The following PCBP3 variants were observed in gnomAD, a reference collection of about 807,000 sequenced individuals.
The protein encoded by PCBP3 is poly(rC)-binding protein 3.
Under a neutral mutation model 52.7 loss-of-function variants are expected in PCBP3, and 25 were observed. That is an observed-to-expected ratio of 0.47 (90% CI 0.35 to 0.66). PCBP3 has a LOEUF of 0.66. Ranked by LOEUF, PCBP3 falls within the 30% of genes least tolerant of loss-of-function variation. The pLI, the probability that PCBP3 is intolerant of heterozygous loss-of-function variation, is 0.01. For missense variants in PCBP3, 391 were observed against 490.3 expected, an observed-to-expected ratio of 0.80 and a Z score of 1.91; for synonymous variants, 162 against 183.0, an observed-to-expected ratio of 0.89 and a Z score of 0.93.
At chr21:45,776,424 A>G (rs1381421459) in intron 4 of PCBP3, among the ~76,000 whole-genome samples, 7 of 150,750 alleles carry the variant, frequency 4.6e-5, no homozygotes, top group Admixed American at 2.6e-4. Flanking sequence ...CTGTTTTTGT[A>G]CTTGAGTCTC....
At chr21:45,811,319 A>G (rs756340956) in intron 4 of PCBP3, among the ~76,000 whole-genome samples, 1 of 152,244 alleles carries the variant, frequency 6.6e-6, no homozygotes, top group Non-Finnish European at 1.5e-5. Flanking sequence ...CTGGAGGCTC[A>G]CGGGGAGGAC....
At chr21:45,664,581 G>T (rs1373481434) in intron 1 of PCBP3, among the ~76,000 whole-genome samples, 1 of 151,142 alleles carries the variant, frequency 6.6e-6, no homozygotes, top group African/African-American at 2.4e-5. Flanking sequence ...TTCTTTCAGA[G>T]ACAAAGAGCT....
At chr21:45,901,451 T>C (rs1264265984) in intron 9 of PCBP3, 3 of 301,096 alleles carry the variant, frequency 1.0e-5, no homozygotes, top group Non-Finnish European at 1.3e-5. Flanking sequence ...GGCTGACCCT[T>C]GGGCCACACC....
chr21:45,923,587 G>C (rs770538319), intron 13 of PCBP3, among the ~76,000 whole-genome samples: 1 of 152,148 alleles, frequency 6.6e-6, no homozygotes, highest in Non-Finnish European at 1.5e-5. Context: ...TCACTGGCCC[G>C]TGGAGGTCTG....
At position 45,837,017 on chromosome 21, in the gene PCBP3, T is replaced by G. The variant is rs1418504255; in HGVS notation, c.-125-12944T>G. On this transcript the variant is annotated intron_variant, in intron 4 of 17. Transcript: ENST00000681687. The surrounding 1 kb of genome is among the most constrained non-coding windows in gnomAD (Gnocchi z 4.1). ...GGACATTCCTGTGTGTTTCTTTTGG[T>G]GCACACATGAGGTGTTTTTGGTTTA... Among the ~76,000 whole-genome samples the G allele has an allele frequency of 1.3e-5, 2 of 152,178 alleles. No homozygotes were observed. The highest frequency in any genetic ancestry group is 2.9e-5 in the Non-Finnish European group (2 of 68,040).
At position 45,904,521 on chromosome 21, in the gene PCBP3, AG is replaced by A. The variant is rs2096149702; in HGVS notation, c.339+3409del. Among the ~76,000 whole-genome samples, 1 of 152,004 alleles carries A rather than the reference AG, an allele frequency of 6.6e-6. No individual in the cohort carries two copies. The highest frequency in any genetic ancestry group is 1.5e-5 in the Non-Finnish European group (1 of 68,020). On this transcript the variant is annotated intron_variant, in intron 9 of 17. Coordinates refer to ENST00000681687, the MANE Select transcript of PCBP3 (RefSeq NM_001384156.1). This position sits in a 1 kb window ranked among gnomAD's most constrained non-coding sequence, Gnocchi z 4.8. ...GATGGTCAGGACAGTGTTGTTCTTG[AG>A]TAAGGGGTAACTACTCAGAGAGTTC...
At chr21:45,709,213 G>A (rs906584247) in intron 2 of PCBP3, among the ~76,000 whole-genome samples, 1 of 152,160 alleles carries the variant, frequency 6.6e-6, no homozygotes, top group Non-Finnish European at 1.5e-5. Flanking sequence ...GCCTGTCTTC[G>A]GAACATTCGG....
At chr21:45,914,100 T>C (rs2096458325) in intron 12 of PCBP3, 75 bp downstream of exon 12, 10 of 1,608,724 alleles carry the variant, frequency 6.2e-6, no homozygotes, top group Non-Finnish European at 7.6e-6. Flanking sequence ...TGCCCGTTAG[T>C]GCACTCAGGT....
intron 5 of PCBP3, among the ~76,000 whole-genome samples, chr21:45,876,460 T>C (rs1428708017): frequency 1.3e-5 from 2 of 151,990 alleles, no homozygotes; most frequent in Non-Finnish European, 2.9e-5. Context: ...CGGTCACTGT[T>C]CCCCACTGGC....
chr21:45,873,317 C>A (rs186582467), intron 5 of PCBP3: 3 of 152,340 alleles, frequency 2.0e-5, no homozygotes, highest in African/African-American at 7.2e-5. Context: ...ATAGGAACCC[C>A]TTGTCATTAA....
At chr21:45,937,151 G>A (rs999671934) in intron 16 of PCBP3, among the ~76,000 whole-genome samples, 6 of 152,212 alleles carry the variant, frequency 3.9e-5, no homozygotes, top group Non-Finnish European at 5.9e-5. Flanking sequence ...CTGTCATCTC[G>A]TCCACGTCCG....
At chr21:45,650,995 A>G (rs940247344) in intron 1 of PCBP3, among the ~76,000 whole-genome samples, 3 of 152,164 alleles carry the variant, frequency 2.0e-5, no homozygotes, top group African/African-American at 7.2e-5. Flanking sequence ...AATTTTGTCA[A>G]TAATCTTGAG....
intron 2 of PCBP3, among the ~76,000 whole-genome samples, chr21:45,734,268 T>A (rs2085683903): frequency 6.6e-6 from 1 of 152,198 alleles, no homozygotes; most frequent in South Asian, 2.1e-4. Context: ...CAGATCTGTG[T>A]GAGCCATAGC....
intron 1 of PCBP3, 148 bp downstream of exon 1, chr21:45,644,016 C>A (rs1279971961): frequency 6.7e-6 from 1 of 149,098 alleles, no homozygotes; most frequent in African/African-American, 2.4e-5. Flanking sequence ...CGGGCTGGGT[C>A]GCGCCGTCCC....
At chr21:45,824,200 C>G (rs970472073) in intron 4 of PCBP3, among the ~76,000 whole-genome samples, 1 of 152,200 alleles carries the variant, frequency 6.6e-6, no homozygotes, top group Non-Finnish European at 1.5e-5. Context: ...GGAGTCCTGC[C>G]TCCTGCATCA....
intron 13 of PCBP3, among the ~76,000 whole-genome samples, chr21:45,929,230 C>G (rs1049734613): frequency 4.6e-5 from 7 of 152,184 alleles, no homozygotes; most frequent in African/African-American, 1.2e-4. Flanking sequence ...ACCGGGGACA[C>G]AGGCGGCTCC....
intron 2 of PCBP3, among the ~76,000 whole-genome samples, chr21:45,715,143 C>T (rs139330341): frequency 1.0e-3 from 156 of 152,278 alleles, no homozygotes; most frequent in African/African-American, 5.8e-4. Context: ...TGGATATGCA[C>T]GTGGCTGGTG....
At chr21:45,755,527 A>C (rs1162540760) in intron 4 of PCBP3, among the ~76,000 whole-genome samples, 75 bp downstream of exon 4, 1 of 152,242 alleles carries the variant, frequency 6.6e-6, no homozygotes, top group Non-Finnish European at 1.5e-5. Flanking sequence ...GTCAGTGTAC[A>C]TTCCCACAAA....
intron 4 of PCBP3, among the ~76,000 whole-genome samples, chr21:45,849,197 C>CT (rs1242650163): frequency 0.021 from 2,921 of 138,012 alleles, 157 homozygotes; most frequent in Admixed American, 0.041. Context: ...CCAAATATGC[C>CT]TTTTTTTTTT....
Sources: gnomAD v4.1 joint callset for allele counts (sites outside exome capture counted in the v4.1 genomes callset) on GRCh38, gnomAD v4.1.1 for gene constraint, Gnocchi (gnomAD v3.1) non-coding constraint, MANE v1.5 for transcripts, NCBI Gene and HGNC (gene_info 2026-07-23, HGNC 2026-07-21) for gene names.